The following NOX3 variants were observed in gnomAD, a reference collection of about 807,000 sequenced individuals.
NOX3 encodes NADPH oxidase 3.
A neutral mutation model predicts 76.7 loss-of-function variants in NOX3; 74 were observed. The observed-to-expected ratio is 0.96, with a 90% CI of 0.80 to 1.17. NOX3 has a LOEUF of 1.17. NOX3 is among the 50% of genes most tolerant of loss of function. The probability of loss-of-function intolerance (pLI) is 0.00; values close to 1 mark genes in which losing one functional copy is unlikely to be tolerated. For synonymous variants in NOX3, 263 were observed against 261.1 expected, an observed-to-expected ratio of 1.01 and a Z score of -0.07; for missense variants, 695 against 703.3, an observed-to-expected ratio of 0.99 and a Z score of 0.13.
chr6:155,421,878 C>T (rs10484604), intron 10 of NOX3, among the ~76,000 whole-genome samples: 4,279 of 152,246 alleles, frequency 0.028, 80 homozygotes, highest in Non-Finnish European at 0.042. Flanking sequence ...CCTTTGACTA[C>T]GGAATTCTCT....
chr6:155,452,648 T>TTA (rs397700834), intron 4 of NOX3, among the ~76,000 whole-genome samples: 20 of 152,062 alleles, frequency 1.3e-4, no homozygotes, highest in African/African-American at 4.6e-4. Flanking sequence ...CTTTTTTTTT[T>TTA]ATGCATGAGA....
chr6:155,414,627 T>C (rs200172354), intron 10 of NOX3, among the ~76,000 whole-genome samples: 25,018 of 130,462 alleles, frequency 0.19, 2,406 homozygotes, highest in African/African-American at 0.26. Context: ...TTCTTTCTTT[T>C]TTTTTTTTTT....
intron 3 of NOX3, among the ~76,000 whole-genome samples, chr6:155,454,351 A>G (rs1777184461): frequency 6.6e-6 from 1 of 152,228 alleles, no homozygotes; most frequent in African/African-American, 2.4e-5. Context: ...TTCCCAACAC[A>G]GTGAAATCAA....
rs1352845888 is a variant in NOX3, at chr6:155,455,100, C to A, written c.78G>T (p.Leu26=). ...VLSWLGINFY[L]FIDTFYWYEE... ...CATACCAGTAGAACGTGTCAATAAA[C>A]AGATAAAAATTTATTCCCAGCCATG... The change falls in exon 2 of 14, where the codon CTG becomes CTT. Residue 26 remains leucine, a synonymous_variant. Coordinates refer to ENST00000159060, the MANE Select transcript of NOX3 (RefSeq NM_015718.3). 3 of 1,612,668 alleles carry A rather than the reference C, an allele frequency of 1.9e-6. No homozygotes were observed. Among genetic ancestry groups the A allele is most frequent in the African/African-American group, 1.3e-5 (1 of 74,890 alleles).
chr6:155,428,590 T>TC lies in NOX3; in HGVS notation c.1145+203_1145+204insG, dbSNP rs999184490. Among the ~76,000 whole-genome samples, 44 of 144,928 alleles carry TC rather than the reference T, an allele frequency of 3.0e-4. 1 individual carries two copies. The East Asian group carries it at 3.3e-3, about 11-fold the overall frequency. ...GCTGAACATTAGTCTTTTTTTCTTT[T>TC]TTTTTTTTTTTTTTTACAGGAACAG... On this transcript the variant is annotated intron_variant, in intron 9 of 13. Coordinates refer to ENST00000159060, the MANE Select transcript of NOX3 (RefSeq NM_015718.3).
chr6:155,407,119 G>C lies in NOX3; in HGVS notation c.1580+11C>G, dbSNP rs763100729. On this transcript the variant is annotated intron_variant, in intron 12 of 13. Transcript: ENST00000159060. Reference sequence around the variant, plus strand: ...GAGCCTGGCAGGGAGAGGAGCAAGAGCTTGCCTTACCTGGGGTGATTGTAG... The same window carrying C: ...GAGCCTGGCAGGGAGAGGAGCAAGACCTTGCCTTACCTGGGGTGATTGTAG... 1.9e-6 allele frequency: 3 copies of C among 1,613,772 alleles called. No individual in the cohort carries two copies. The highest frequency in any genetic ancestry group is 2.5e-6 in the Non-Finnish European group (3 of 1,179,872).
At chr6:155,416,099 G>A (rs575106126) in intron 10 of NOX3, among the ~76,000 whole-genome samples, 42 of 152,336 alleles carry the variant, frequency 2.8e-4, no homozygotes, top group Admixed American at 9.1e-4. Flanking sequence ...ACCTAGAGGC[G>A]TTTTACAGGG....
chr6:155,443,131 A>G (rs2114705001), intron 5 of NOX3, 142 bp downstream of exon 5: 3 of 966,314 alleles, frequency 3.1e-6, no homozygotes, highest in South Asian at 2.7e-5. Flanking sequence ...TTTTTAGAAA[A>G]TGTGAAATTG....
chr6:155,445,788 G>T (rs1199355457), intron 4 of NOX3, among the ~76,000 whole-genome samples: 1 of 151,092 alleles, frequency 6.6e-6, no homozygotes, highest in Non-Finnish European at 1.5e-5. Context: ...TTAAAGAAAG[G>T]TAGAAGGGGT....
At chr6:155,428,061 C>T (rs1416419609) in intron 9 of NOX3, among the ~76,000 whole-genome samples, 6 of 151,316 alleles carry the variant, frequency 4.0e-5, no homozygotes, top group East Asian at 1.9e-4. Flanking sequence ...CCACCACACC[C>T]GGCTAATTTT....
chr6:155,398,507 G>A (rs1280024540), intron 12 of NOX3, among the ~76,000 whole-genome samples: 40 of 152,126 alleles, frequency 2.6e-4, no homozygotes, highest in Admixed American at 2.5e-3. Flanking sequence ...AGAAATTGAT[G>A]GTTCCCCTGC....
intron 10 of NOX3, among the ~76,000 whole-genome samples, chr6:155,414,578 T>C (rs1176285257): frequency 1.1e-4 from 16 of 152,022 alleles, no homozygotes; most frequent in Admixed American, 1.0e-3. Flanking sequence ...AAATTATTTT[T>C]TTTTACAGGA....
chr6:155,430,787 T>A, intron 8 of NOX3, 56 bp downstream of exon 8: 3 of 1,221,586 alleles, frequency 2.5e-6, no homozygotes, highest in Non-Finnish European at 1.2e-6. Flanking sequence ...TTTGGGCTAA[T>A]AAAAAATTTT....
intron 11 of NOX3, among the ~76,000 whole-genome samples, chr6:155,408,253 T>G (rs936313015): frequency 1.3e-5 from 2 of 152,230 alleles, no homozygotes; most frequent in Non-Finnish European, 2.9e-5. Context: ...CCCAAATTGT[T>G]GGGATTACAG....
At chr6:155,400,657 A>G (rs1449200335) in intron 12 of NOX3, among the ~76,000 whole-genome samples, 2 of 139,560 alleles carry the variant, frequency 1.4e-5, no homozygotes, top group South Asian at 4.4e-4. Context: ...TTTTTTTTTT[A>G]ACCTATCTCC....
chr6:155,401,492 A>G (rs1266645333), intron 12 of NOX3, among the ~76,000 whole-genome samples: 1 of 152,232 alleles, frequency 6.6e-6, no homozygotes, highest in African/African-American at 2.4e-5. Flanking sequence ...TCTTAAAAAT[A>G]TCATTTTAAA....
chr6:155,455,176 T>G (rs764693239), intron 1 of NOX3, 47 bp from the exon 2 acceptor site: 1 of 1,256,208 alleles, frequency 8.0e-7, no homozygotes, highest in African/African-American at 1.5e-5. Context: ...CTTCAAGCTT[T>G]TTCTCTATTC....
At chr6:155,451,475 A>T (rs565500745) in intron 4 of NOX3, among the ~76,000 whole-genome samples, 1 of 152,352 alleles carries the variant, frequency 6.6e-6, no homozygotes, top group African/African-American at 2.4e-5. Context: ...CTTTCAGGGT[A>T]TCTTTAACAC....
chr6:155,442,564 A>G (rs1375924515), intron 5 of NOX3, among the ~76,000 whole-genome samples: 1 of 152,266 alleles, frequency 6.6e-6, no homozygotes, highest in Non-Finnish European at 1.5e-5. Flanking sequence ...ACATATGCCA[A>G]TATGGTGGTA....
Sources: allele counts gnomAD v4.1 joint callset (sites outside exome capture counted in the v4.1 genomes callset), GRCh38; gene constraint gnomAD v4.1.1; transcripts MANE v1.5; gene names NCBI Gene and HGNC (gene_info 2026-07-23, HGNC 2026-07-21).